Variants in PTPRM observed in about 807,000 individuals in gnomAD.
The protein encoded by PTPRM is protein tyrosine phosphatase receptor type M, also known as receptor-type tyrosine-protein phosphatase mu.
PTPRM carries 47 observed loss-of-function variants against 186.7 expected under a neutral mutation model. The ratio of observed to expected loss-of-function variants is 0.25; its 90% CI spans 0.20 to 0.32. The LOEUF (loss-of-function observed/expected upper bound fraction) is 0.32, where lower values mean the gene tolerates loss of function less well. Ranked by LOEUF, PTPRM falls within the 10% of genes least tolerant of loss-of-function variation. PTPRM has a pLI of 1.00. For synonymous variants in PTPRM, 668 were observed against 674.9 expected (o/e 0.99, Z 0.16); for missense variants, 1,494 against 1,865.0 (o/e 0.80, Z 3.66).
At chr18:8,263,836 C>A (rs943987202) in intron 19 of PTPRM, among the ~76,000 whole-genome samples, 2 of 152,190 alleles carry the variant, frequency 1.3e-5, no homozygotes, top group Non-Finnish European at 2.9e-5. Flanking sequence ...GGCCCCATAC[C>A]CAGTCCTACG....
chr18:7,665,437 C>G (rs553990130), intron 1 of PTPRM, among the ~76,000 whole-genome samples: 52 of 151,912 alleles, frequency 3.4e-4, no homozygotes, highest in Non-Finnish European at 3.4e-4. Flanking sequence ...TACTTATTAC[C>G]TCGTAAATTT....
At chr18:7,623,542 T>A (rs1233650300) in intron 1 of PTPRM, among the ~76,000 whole-genome samples, 1 of 152,188 alleles carries the variant, frequency 6.6e-6, no homozygotes, top group Admixed American at 6.5e-5. Flanking sequence ...TGAAATAGTC[T>A]TAGAAAATAT....
chr18:8,294,024 G>A (rs924937819), intron 19 of PTPRM, among the ~76,000 whole-genome samples: 4 of 152,168 alleles, frequency 2.6e-5, no homozygotes, highest in African/African-American at 9.7e-5. Flanking sequence ...CCCAAGGCAG[G>A]TGAATCACTT....
At chr18:8,148,467 T>C (rs975910654) in intron 14 of PTPRM, among the ~76,000 whole-genome samples, 1 of 152,218 alleles carries the variant, frequency 6.6e-6, no homozygotes. Context: ...TGATGGTAAT[T>C]TGTATTTCTG....
intron 9 of PTPRM, among the ~76,000 whole-genome samples, chr18:8,082,962 C>T (rs1054330553): frequency 1.3e-5 from 2 of 151,480 alleles, no homozygotes; most frequent in Non-Finnish European, 2.9e-5. Context: ...TTATTCCATC[C>T]TCTTTTTTTT....
At position 7,955,317 on chromosome 18, in the gene PTPRM, A is replaced by G. The variant is rs751165842; in HGVS notation, c.1035A>G (p.Pro345=). 1.2e-6 allele frequency: 2 copies of G among 1,614,170 alleles called. No individual in the cohort carries two copies. Among genetic ancestry groups the G allele is most frequent in the Non-Finnish European group, 1.7e-6 (2 of 1,180,018 alleles). The change falls in exon 7 of 33, where the codon CCA becomes CCG. Residue 345 remains proline, a synonymous_variant. Coordinates refer to ENST00000580170, the MANE Select transcript of PTPRM (RefSeq NM_001105244.2). The part of the protein sequence containing the change: ...STSYKIGHLD[P]DTEYEISVLL... ...GCTATAAAATTGGACACCTTGACCC[A>G]GATACAGAATATGAGATTAGTGTGC... is the stretch of plus-strand genomic sequence containing the variant.
chr18:7,674,202 G>A (rs2039282581), intron 1 of PTPRM, among the ~76,000 whole-genome samples: 1 of 152,162 alleles, frequency 6.6e-6, no homozygotes. Context: ...CCACTCAGAA[G>A]GATTCCTATG....
At chr18:7,625,142 A>G (rs1008077387) in intron 1 of PTPRM, among the ~76,000 whole-genome samples, 4 of 152,328 alleles carry the variant, frequency 2.6e-5, no homozygotes, top group African/African-American at 9.6e-5. Flanking sequence ...TCTTTCATGA[A>G]AAAAGCTTTT....
At chr18:7,669,811 C>T (rs2039177713) in intron 1 of PTPRM, among the ~76,000 whole-genome samples, 1 of 152,142 alleles carries the variant, frequency 6.6e-6, no homozygotes, top group African/African-American at 2.4e-5. Flanking sequence ...CAACCTCCAC[C>T]TCCTGGGTTC....
intron 8 of PTPRM, among the ~76,000 whole-genome samples, chr18:8,076,044 G>A (rs943080969): frequency 3.9e-5 from 6 of 152,040 alleles, no homozygotes; most frequent in African/African-American, 1.2e-4. Flanking sequence ...ATACCTGCAC[G>A]TGGGACCATT....
At chr18:7,672,881 A>C (rs1435070023) in intron 1 of PTPRM, among the ~76,000 whole-genome samples, 1 of 152,198 alleles carries the variant, frequency 6.6e-6, no homozygotes, top group African/African-American at 2.4e-5. Context: ...GTTGGAGCCC[A>C]ATCTGCACGC....
chr18:7,884,900 G>T (rs1434172436), intron 2 of PTPRM, among the ~76,000 whole-genome samples: 1 of 133,570 alleles, frequency 7.5e-6, no homozygotes, highest in Non-Finnish European at 1.5e-5. Flanking sequence ...CTCCAGCCTG[G>T]GCGACGAGAG....
At chr18:7,815,834 A>C (rs561380938) in intron 2 of PTPRM, 6 of 152,342 alleles carry the variant, frequency 3.9e-5, no homozygotes, top group African/African-American at 1.4e-4. Flanking sequence ...ACAGCAAATC[A>C]ATAAAGAAAG....
At chr18:7,865,630 A>G (rs2047647420) in intron 2 of PTPRM, among the ~76,000 whole-genome samples, 1 of 152,142 alleles carries the variant, frequency 6.6e-6, no homozygotes, top group Non-Finnish European at 1.5e-5. Context: ...CATCAGGGAT[A>G]TTGGCCTGAA....
At chr18:8,173,866 C>A (rs1175116819) in intron 14 of PTPRM, among the ~76,000 whole-genome samples, 1 of 152,150 alleles carries the variant, frequency 6.6e-6, no homozygotes, top group Non-Finnish European at 1.5e-5. Flanking sequence ...GTCAGGAGTT[C>A]AAGACCAGCC....
intron 1 of PTPRM, among the ~76,000 whole-genome samples, chr18:7,737,997 C>A (rs964362608): frequency 6.6e-6 from 1 of 152,166 alleles, no homozygotes; most frequent in African/African-American, 2.4e-5. Context: ...GCACGCTTCT[C>A]AAAGATGCTT....
Position 8,319,280 on chromosome 18 carries a change from CA to C in PTPRM, c.2956+67del, listed in dbSNP as rs2095330702. 29 of 1,179,204 alleles carry C rather than the reference CA, an allele frequency of 2.5e-5. No individual in the cohort carries two copies. In the South Asian group the frequency reaches 3.6e-4, roughly 15 times the overall value. The allele number at this position is 1,179,204 out of a possible 1,614,324, so 73.0% of individuals were successfully genotyped here. A position where few individuals can be genotyped will look rare whatever the true frequency, so the allele number is the denominator to read the frequency against. On this transcript the variant is annotated intron_variant, in intron 22 of 32. Coordinates refer to ENST00000580170, the MANE Select transcript of PTPRM (RefSeq NM_001105244.2). ...TGCCCACTTCCTATCATTTTGTACC[CA>C]CTTCACCCTCCTTCAGGAAGATATT...
At position 7,905,282 on chromosome 18, in the gene PTPRM, C is replaced by G. The variant is rs535562931; in HGVS notation, c.469-1223C>G. Among the ~76,000 whole-genome samples, 175 of 152,254 alleles carry G rather than the reference C, an allele frequency of 1.1e-3. 2 individuals carry two copies. The highest frequency in any genetic ancestry group is 2.1e-4 in the Non-Finnish European group (14 of 68,028). On this transcript the variant is annotated intron_variant, in intron 3 of 32. Coordinates refer to ENST00000580170, the MANE Select transcript of PTPRM (RefSeq NM_001105244.2). ...TGCTGGGTTTATAGGCCTGAGCCAC[C>G]GCGCCCAGCCCTGGTTCTTTCTTTT...
chr18:8,014,573 T>C (rs2084741508), intron 7 of PTPRM, among the ~76,000 whole-genome samples: 1 of 152,218 alleles, frequency 6.6e-6, no homozygotes, highest in African/African-American at 2.4e-5. Context: ...AGTTGTTTAC[T>C]GCTAAATGAA....
Sources: allele counts gnomAD v4.1 joint callset (sites outside exome capture counted in the v4.1 genomes callset), GRCh38; gene constraint gnomAD v4.1.1; transcripts MANE v1.5; gene names NCBI Gene and HGNC (gene_info 2026-07-23, HGNC 2026-07-21).